ZNF431: variants seen among roughly 807,000 people sequenced by gnomAD.
ZNF431 encodes zinc finger protein 431.
ZNF431 carries 34 observed loss-of-function variants against 57.0 expected under a neutral mutation model. The observed-to-expected ratio is 0.60, with a 90% CI of 0.45 to 0.79. The LOEUF is 0.79. ZNF431 is among the 30% of genes least tolerant of loss of function. ZNF431 has a pLI of 0.00. For missense variants in ZNF431, 607 were observed against 667.1 expected (o/e 0.91, Z 0.99); for synonymous variants, 207 against 220.3 (o/e 0.94, Z 0.54).
At chr19:21,149,719 GACCC>G in intron 2 of ZNF431, 1 of 607,802 alleles carries the variant, frequency 1.6e-6, no homozygotes, top group Non-Finnish European at 3.1e-6. Context: ...ACAGACTTGA[GACCC>G]AGGGCCTTCC....
At position 21,189,157 on chromosome 19, in the gene ZNF431, A is replaced by G. The variant is rs754691560; in HGVS notation, c.*5123A>G. 1 of 152,152 alleles carries G rather than the reference A, an allele frequency of 6.6e-6. No individual in the cohort carries two copies. Among genetic ancestry groups the G allele is most frequent in the Admixed American group, 6.5e-5 (1 of 15,270 alleles). The allele number at this position is 152,152 out of a possible 1,614,324, so 9.4% of individuals were successfully genotyped here. A position where few individuals can be genotyped will look rare whatever the true frequency, so the allele number is the denominator to read the frequency against. On this transcript the variant is annotated 3_prime_UTR_variant, in exon 5 of 5. Coordinates refer to ENST00000311048, the MANE Select transcript of ZNF431 (RefSeq NM_133473.4). ...GAACGTAATATTTTGAAGTATATAT[A>G]TAGTTAAATTATTATTTCTAGGTAA...
chr19:21,183,367 G>A lies in ZNF431; in HGVS notation c.1064G>A (p.Arg355Gln), dbSNP rs1284289534. The A allele has an allele frequency of 5.6e-6, 9 of 1,612,872 alleles. No individual in the cohort carries two copies. In the South Asian group the frequency reaches 6.6e-5, roughly 12 times the overall value. Residue 355 changes from arginine (R) to glutamine (Q), a missense_variant, in exon 5 of 5, where the codon CGA becomes CAA. By Grantham distance (43) the Arg-to-Gln change is conservative (BLOSUM62 1). Transcript: ENST00000311048. ...GAGGAATGTGACAAAGCTTTTAATC[G>A]ATTCTCATACCTTACTAAACATAAG... ...KCEECDKAFN[R>Q]FSYLTKHKII...
In ZNF431 at chr19:21,184,057, C is replaced by T; in HGVS notation, c.*23C>T. On this transcript the variant is annotated 3_prime_UTR_variant, in exon 5 of 5. Transcript: ENST00000311048. ...TAAGCAGTCCTCAACTCTTACTAAG[C>T]ATTAAATATTGGCCGGGTGCGGTGG... The T allele has an allele frequency of 6.5e-7, 1 of 1,529,748 alleles. No homozygotes were observed. The highest frequency in any genetic ancestry group is 1.3e-5 in the South Asian group (1 of 74,232). 94.8% of individuals were successfully genotyped at this position (1,529,748 alleles called of 1,614,324 possible).
intron 2 of ZNF431, among the ~76,000 whole-genome samples, chr19:21,159,153 C>T (rs1970505218): frequency 6.6e-6 from 1 of 151,930 alleles, no homozygotes; most frequent in African/African-American, 2.4e-5. Flanking sequence ...ACCTTGCATA[C>T]CAGAGATACA....
At chr19:21,176,368 G>A (rs1971053162) in intron 4 of ZNF431, among the ~76,000 whole-genome samples, 1 of 151,872 alleles carries the variant, frequency 6.6e-6, no homozygotes, top group Non-Finnish European at 1.5e-5. Flanking sequence ...AGCCTCCTGA[G>A]TAGCTGGCAT....
In ZNF431 at chr19:21,154,274, G is replaced by T. The variant is rs370676742; in HGVS notation, c.96+10631G>T. ...TGTGAGTGAGAACATGCGGTGTTTG[G>T]TTTTTTGTCCTTGCGATAGTTTGCT... On this transcript the variant is annotated intron_variant, in intron 2 of 4. Coordinates refer to ENST00000311048, the MANE Select transcript of ZNF431 (RefSeq NM_133473.4). 3.3e-5 allele frequency among the ~76,000 whole-genome samples: 5 copies of T among 152,130 alleles called. No individual in the cohort carries two copies. In the East Asian group the frequency reaches 9.7e-4, roughly 29 times the overall value.
chr19:21,145,726 TA>T (rs1010512456), intron 2 of ZNF431, among the ~76,000 whole-genome samples: 3 of 151,448 alleles, frequency 2.0e-5, no homozygotes, highest in East Asian at 1.9e-4. Flanking sequence ...TAGATTTATG[TA>T]AAAAAAAATT....
rs11291342 is a variant in ZNF431 at position 21,159,982 on chromosome 19, CTT to C, written c.97-6337_97-6336del. Among the ~76,000 whole-genome samples the C allele has an allele frequency of 7.9e-3, 1,001 of 126,338 alleles. 10 individuals are homozygous for C. Among genetic ancestry groups the C allele is most frequent in the African/African-American group, 0.02 (665 of 33,754 alleles). The allele number at this position is 126,338 out of a possible 152,430, so 82.9% of individuals were successfully genotyped here. On this transcript the variant is annotated intron_variant, in intron 2 of 4. Transcript: ENST00000311048. The stretch of plus-strand genomic sequence containing the variant: ...CTACTTATATTCATGTTGCCTCAGC[CTT>C]TTTTTTTTTTTTTTTAGGTAGACAT...
intron 4 of ZNF431, among the ~76,000 whole-genome samples, chr19:21,180,002 C>A (rs1971168567): frequency 6.6e-6 from 1 of 151,922 alleles, no homozygotes; most frequent in African/African-American, 2.4e-5. Context: ...GTTGTAGTTG[C>A]GGGATTTTGA....
intron 2 of ZNF431, among the ~76,000 whole-genome samples, chr19:21,147,306 G>A (rs7250691): frequency 0.77 from 117,456 of 151,868 alleles, 45,835 homozygotes; most frequent in Middle Eastern, 0.87. Flanking sequence ...GATCAACATG[G>A]TGAAACCCTG....
chr19:21,172,812 A>G (rs1447728846), intron 4 of ZNF431, among the ~76,000 whole-genome samples: 1 of 152,142 alleles, frequency 6.6e-6, no homozygotes, highest in East Asian at 1.9e-4. Flanking sequence ...GAAGCTGTAC[A>G]TTTCAGGGAT....
rs949543730 is a variant in ZNF431 at position 21,193,493 on chromosome 19, C to G, written c.*9459C>G. On this transcript the variant is annotated 3_prime_UTR_variant, in exon 5 of 5. Coordinates refer to ENST00000311048, the MANE Select transcript of ZNF431 (RefSeq NM_133473.4). Reference sequence around the variant, plus strand: ...AGTGAGCCGAGATCGCGCCATTGCACTCCAGCCTAGGCAATGAGTGAAACT... The same window carrying G: ...AGTGAGCCGAGATCGCGCCATTGCAGTCCAGCCTAGGCAATGAGTGAAACT... The G allele has an allele frequency of 6.6e-6, 1 of 152,306 alleles. No homozygotes were observed. The highest frequency in any genetic ancestry group is 1.5e-5 in the Non-Finnish European group (1 of 68,116). The allele number at this position is 152,306 out of a possible 1,614,324, so 9.4% of individuals were successfully genotyped here. A position where few individuals can be genotyped will look rare whatever the true frequency, so the allele number is the denominator to read the frequency against.
At position 21,142,105 on chromosome 19, in the gene ZNF431, C is replaced by G; in HGVS notation, c.-79C>G. 6.3e-7 allele frequency: 1 copy of G among 1,577,914 alleles called. No individual in the cohort carries two copies. Among genetic ancestry groups the G allele is most frequent in the Non-Finnish European group, 8.7e-7 (1 of 1,148,976 alleles). On this transcript the variant is annotated 5_prime_UTR_variant, in exon 1 of 5. Transcript: ENST00000311048. ...GCTCTGTGTCCTCTGCTCCTAGAGGCCCAACATCTGTGGCCCTGTGACCTG... is the reference window on the plus strand; with the variant it reads ...GCTCTGTGTCCTCTGCTCCTAGAGGGCCAACATCTGTGGCCCTGTGACCTG...
At position 21,182,852 on chromosome 19, in the gene ZNF431, A is replaced by G; in HGVS notation, c.549A>G (p.Lys183=). The change falls in exon 5 of 5, where the codon AAA becomes AAG. Residue 183 remains lysine, a synonymous_variant. Transcript: ENST00000311048. The stretch of plus-strand genomic sequence containing the variant: ...TATTTCCATGTGATAAATATGTGAA[A>G]GTCTTTCATAAATTTTTAAATGCAA... ...SKIFPCDKYV[K]VFHKFLNANR... 6.2e-7 allele frequency: 1 copy of G among 1,614,020 alleles called. No homozygotes were observed. The highest frequency in any genetic ancestry group is 2.2e-5 in the East Asian group (1 of 44,842).
At chr19:21,155,430 T>A (rs1006233246) in intron 2 of ZNF431, among the ~76,000 whole-genome samples, 22 of 152,284 alleles carry the variant, frequency 1.4e-4, no homozygotes, top group African/African-American at 2.6e-4. Context: ...GTAGCCTTGT[T>A]GTATAGTTTG....
At chr19:21,176,664 C>T (rs1037020775) in intron 4 of ZNF431, among the ~76,000 whole-genome samples, 8 of 151,936 alleles carry the variant, frequency 5.3e-5, no homozygotes, top group South Asian at 4.2e-4. Context: ...TTCTGTAGAT[C>T]GTCTGTTCAC....
At chr19:21,164,415 A>T (rs989372245) in intron 2 of ZNF431, among the ~76,000 whole-genome samples, 2 of 152,090 alleles carry the variant, frequency 1.3e-5, no homozygotes, top group East Asian at 3.9e-4. Context: ...AATATGGCAG[A>T]TCATATTTTT....
intron 4 of ZNF431, among the ~76,000 whole-genome samples, chr19:21,181,596 GCTT>G (rs768746845): frequency 6.6e-5 from 10 of 151,752 alleles, no homozygotes; most frequent in Non-Finnish European, 1.2e-4. Flanking sequence ...TATTTGTTGA[GCTT>G]CTTCATTTTG....
chr19:21,173,868 T>C (rs1222170578), intron 4 of ZNF431, among the ~76,000 whole-genome samples: 1 of 152,198 alleles, frequency 6.6e-6, no homozygotes, highest in African/African-American at 2.4e-5. Context: ...TCATTAATTT[T>C]GCTTTTCTTT....
Sources: gnomAD v4.1 joint callset for allele counts (sites outside exome capture counted in the v4.1 genomes callset) on GRCh38, gnomAD v4.1.1 for gene constraint, MANE v1.5 for transcripts, NCBI Gene and HGNC (gene_info 2026-07-23, HGNC 2026-07-21) for gene names.